TTC34: variants seen among roughly 807,000 people sequenced by gnomAD.
TTC34 encodes tetratricopeptide repeat domain 34.
In TTC34, 44 loss-of-function variants were observed where a neutral mutation model predicts 40.7. The observed-to-expected ratio is 1.08, with a 90% CI of 0.85 to 1.39. The LOEUF is 1.39. TTC34 is among the 40% of genes most tolerant of loss of function. TTC34 has a pLI of 0.00. For missense variants in TTC34, 884 were observed against 838.0 expected, an observed-to-expected ratio of 1.05 and a Z score of -0.68; for synonymous variants, 422 against 398.6, an observed-to-expected ratio of 1.06 and a Z score of -0.70.
At position 2,651,512 on chromosome 1, in the gene TTC34, C is replaced by T. The variant is rs567071397; in HGVS notation, c.2227-5949G>A. Among the ~76,000 whole-genome samples, 4 of 152,190 alleles carry T rather than the reference C, an allele frequency of 2.6e-5. No individual in the cohort carries two copies. In the South Asian group the frequency reaches 8.3e-4, roughly 32 times the overall value. Reference sequence around the variant, plus strand: ...AGCATCTGACAGCCTAGAATGGCACCACCACACTTAGGTGAGAATCTGACA... The same window carrying T: ...AGCATCTGACAGCCTAGAATGGCACTACCACACTTAGGTGAGAATCTGACA... On this transcript the variant is annotated intron_variant, in intron 6 of 8. Coordinates refer to ENST00000401095, the Ensembl canonical transcript of TTC34.
chr1:2,659,788 CAA>C (rs1639474077), intron 6 of TTC34, among the ~76,000 whole-genome samples: 2 of 115,734 alleles, frequency 1.7e-5, no homozygotes, highest in Non-Finnish European at 3.5e-5. Context: ...GCACCGACAA[CAA>C]CAGGTGAGCA....
chr1:2,657,365 G>A (rs531086407), intron 6 of TTC34, among the ~76,000 whole-genome samples: 1 of 95,722 alleles, frequency 1.0e-5, no homozygotes, highest in Non-Finnish European at 2.7e-5. Flanking sequence ...CTGACAACTT[G>A]GAGCAGCACC....
In TTC34 at chr1:2,674,342, TG is replaced by T. The variant is rs1228607380; in HGVS notation, c.2227-28780del. 9.4e-4 allele frequency among the ~76,000 whole-genome samples: 47 copies of T among 49,810 alleles called. No homozygotes were observed. In the East Asian group the frequency reaches 9.6e-3, roughly 10 times the overall value. 32.7% of individuals were successfully genotyped at this position (49,810 alleles called of 152,430 possible). ...TCCCCCAGGTGAGCACCTGACAGAC[TG>T]GAACAGCACCCACAGGCCCAGGTGT... On this transcript the variant is annotated intron_variant, in intron 6 of 8. Coordinates refer to ENST00000401095, the Ensembl canonical transcript of TTC34.
chr1:2,643,538 C>A (rs559531115), intron 8 of TTC34, among the ~76,000 whole-genome samples: 1 of 152,176 alleles, frequency 6.6e-6, no homozygotes. Context: ...GCACAGACCC[C>A]TCCTCCTGGC....
chr1:2,657,195 C>G (rs1639377976), intron 6 of TTC34, among the ~76,000 whole-genome samples: 1 of 116,970 alleles, frequency 8.5e-6, no homozygotes, highest in African/African-American at 2.8e-5. Context: ...AGTTGAGCAT[C>G]TGATGGTCTG....
intron 6 of TTC34, among the ~76,000 whole-genome samples, chr1:2,751,523 TGCACCCCC>T (rs1641318915): frequency 2.2e-5 from 1 of 46,488 alleles, no homozygotes; most frequent in Non-Finnish European, 3.7e-5. Flanking sequence ...AACAGCACCC[TGCACCCCC>T]AGGTGAGCAT....
intron 6 of TTC34, among the ~76,000 whole-genome samples, chr1:2,753,698 C>A (rs1298584143): frequency 4.7e-5 from 5 of 105,400 alleles, no homozygotes; most frequent in African/African-American, 5.3e-5. Flanking sequence ...CACCCTGCAC[C>A]CCCAGGTGAG....
chr1:2,681,770 G>C (rs1640084986), intron 6 of TTC34, among the ~76,000 whole-genome samples: 1 of 120,132 alleles, frequency 8.3e-6, no homozygotes, highest in Non-Finnish European at 1.9e-5. Context: ...TGAGAGCCTG[G>C]GTCGGCACCC....
intron 6 of TTC34, among the ~76,000 whole-genome samples, chr1:2,750,713 A>G (rs1641290708): frequency 3.3e-5 from 5 of 151,200 alleles, no homozygotes; most frequent in African/African-American, 4.9e-5. Context: ...GACAGCCTGG[A>G]GCAGCACCCA....
intron 6 of TTC34, among the ~76,000 whole-genome samples, chr1:2,687,063 A>G (rs1640393882): frequency 7.0e-6 from 1 of 143,398 alleles, no homozygotes; most frequent in African/African-American, 2.8e-5. Context: ...TGCATCCGAC[A>G]GCCTGGAGCA....
intron 2 of TTC34, among the ~76,000 whole-genome samples, chr1:2,793,776 G>T (rs957172263): frequency 6.6e-6 from 1 of 152,042 alleles, no homozygotes; most frequent in Non-Finnish European, 1.5e-5. Flanking sequence ...TCATTTTATT[G>T]GTCTTTCTAT....
intron 6 of TTC34, among the ~76,000 whole-genome samples, chr1:2,648,371 G>T (rs1461230827): frequency 6.6e-6 from 1 of 152,158 alleles, no homozygotes; most frequent in Non-Finnish European, 1.5e-5. Flanking sequence ...GGGAGGATTC[G>T]TTTTTGAACT....
At chr1:2,652,493 G>A (rs867486057) in intron 6 of TTC34, among the ~76,000 whole-genome samples, 14 of 150,656 alleles carry the variant, frequency 9.3e-5, no homozygotes, top group Middle Eastern at 6.8e-3. Context: ...ACCCCCAGGC[G>A]AGCATCTGAC....
intron 6 of TTC34, among the ~76,000 whole-genome samples, chr1:2,686,698 T>TTC (rs1256389782): frequency 3.8e-5 from 5 of 130,226 alleles, no homozygotes; most frequent in East Asian, 2.7e-4. Context: ...GGTGCGCACG[T>TTC]GACAGCCTGG....
intron 6 of TTC34, among the ~76,000 whole-genome samples, chr1:2,687,840 C>G (rs1305689349): frequency 6.6e-6 from 1 of 151,798 alleles, no homozygotes; most frequent in African/African-American, 2.4e-5. Context: ...TGGAGCATTA[C>G]CCACACCCAC....
At chr1:2,675,810 GT>G (rs1639894111) in intron 6 of TTC34, among the ~76,000 whole-genome samples, 1 of 51,568 alleles carries the variant, frequency 1.9e-5, no homozygotes, top group Non-Finnish European at 4.7e-5. Context: ...ACACCAACAG[GT>G]GAGCATCTGA....
chr1:2,654,068 C>T (rs1270023499), intron 6 of TTC34, among the ~76,000 whole-genome samples: 25 of 149,650 alleles, frequency 1.7e-4, no homozygotes, highest in African/African-American at 5.1e-4. Flanking sequence ...GAGCATCTGA[C>T]AGCGTGGAGC....
At chr1:2,749,669 G>T (rs1641254112) in intron 6 of TTC34, among the ~76,000 whole-genome samples, 1 of 108,640 alleles carries the variant, frequency 9.2e-6, no homozygotes, top group Non-Finnish European at 1.8e-5. Flanking sequence ...CGACAGCCTG[G>T]AGCAGCAACC....
chr1:2,783,171 G>A (rs1005470338), intron 6 of TTC34, among the ~76,000 whole-genome samples: 1 of 152,226 alleles, frequency 6.6e-6, no homozygotes, highest in African/African-American at 2.4e-5. Context: ...GCACCTGTCT[G>A]TGGCAGACAT....
Sources: gnomAD v4.1 joint callset for allele counts (sites outside exome capture counted in the v4.1 genomes callset) on GRCh38, gnomAD v4.1.1 for gene constraint, MANE v1.5 for transcripts, NCBI Gene and HGNC (gene_info 2026-07-23, HGNC 2026-07-21) for gene names.